The following ZNF354A variants were observed in gnomAD, a reference collection of about 807,000 sequenced individuals.
ZNF354A encodes the protein epididymis luminal protein 104.
Under a neutral mutation model 53.3 loss-of-function variants are expected in ZNF354A, and 25 were observed. The ratio of observed to expected loss-of-function variants is 0.47; its 90% CI spans 0.34 to 0.66. The LOEUF (loss-of-function observed/expected upper bound fraction) is 0.66. ZNF354A is among the 30% of genes least tolerant of loss of function. ZNF354A has a pLI of 0.01. For synonymous variants in ZNF354A, 228 were observed against 249.0 expected, an observed-to-expected ratio of 0.92 and a Z score of 0.79; for missense variants, 586 against 716.8, an observed-to-expected ratio of 0.82 and a Z score of 2.08.
In ZNF354A at chr5:178,712,808, T is replaced by C. The variant is rs780743576; in HGVS notation, c.1070A>G (p.Asn357Ser). 9.9e-6 allele frequency: 16 copies of C among 1,614,148 alleles called. No individual in the cohort carries two copies. Among genetic ancestry groups the C allele is most frequent in the Non-Finnish European group, 1.3e-5 (15 of 1,180,024 alleles). The change falls in exon 5 of 5, where the codon AAT (asparagine) becomes AGT (serine). Residue 357 changes from asparagine (N) to serine (S), a missense_variant. Asn to Ser is a conservative substitution (Grantham distance 46). Around this residue, in one of 2 missense-constraint regions of ZNF354A, gnomAD observed 573 missense variants for 680.1 expected, o/e 0.84. Coordinates refer to ENST00000335815, the MANE Select transcript of ZNF354A (RefSeq NM_005649.3). ...IHSRKKSYLC[N>S]ECGNTFKSSS... ...AGACTTAAAGGTGTTGCCACATTCATTACATAAGTAGGACTTCTTTCTAGA... is the reference window on the plus strand; with the variant it reads ...AGACTTAAAGGTGTTGCCACATTCACTACATAAGTAGGACTTCTTTCTAGA...
At chr5:178,722,994 G>A (rs1307797771) in intron 4 of ZNF354A, among the ~76,000 whole-genome samples, 1 of 152,202 alleles carries the variant, frequency 6.6e-6, no homozygotes, top group Admixed American at 6.5e-5. Flanking sequence ...GCCCTGAGTG[G>A]GGGCCTGCTT....
At position 178,711,781 on chromosome 5, in the gene ZNF354A, G is replaced by A; in HGVS notation, c.*279C>T. ...CACGTGACATCTAGCATATACGTCT[G>A]TAGGAAAAGGGAAAAAGCAAACCCA... On this transcript the variant is annotated 3_prime_UTR_variant, in exon 5 of 5. Coordinates refer to ENST00000335815, the MANE Select transcript of ZNF354A (RefSeq NM_005649.3). 3.3e-6 allele frequency: 1 copy of A among 298,966 alleles called. No individual in the cohort carries two copies. The allele number at this position is 298,966 out of a possible 1,614,324, so 18.5% of individuals were successfully genotyped here. A position where few individuals can be genotyped will look rare whatever the true frequency, so the allele number is the denominator to read the frequency against.
chr5:178,728,782 C>CAAAAAAAAAAAAAA lies in ZNF354A; in HGVS notation c.33+194_33+207dup, dbSNP rs1157233878. Among the ~76,000 whole-genome samples the CAAAAAAAAAAAAAA allele has an allele frequency of 8.5e-4, 43 of 50,858 alleles. No homozygotes were observed. In the East Asian group the frequency reaches 0.011, roughly 13 times the overall value. The allele number at this position is 50,858 out of a possible 152,430, so 33.4% of individuals were successfully genotyped here. ...ACTGCCTGGGCGACAAAGCGAGATT[C>CAAAAAAAAAAAAAA]AAAAAAAAAAAAAAAAAAGAGAACC... On this transcript the variant is annotated intron_variant, in intron 2 of 4. Transcript: ENST00000335815.
Position 178,712,114 on chromosome 5 carries a change from G to C in ZNF354A, c.1764C>G (p.Asn588Lys). The stretch of plus-strand genomic sequence containing the variant: ...AATGATTAGTAAGGGATGACCTATG[G>C]TTGAAAAGTTTCCCACATGTATTAC... ...YECNTCGKLF[N>K]HRSSLTNHYK... The change falls in exon 5 of 5, where the codon AAC (asparagine) becomes AAG (lysine). Residue 588 changes from asparagine to lysine, a missense_variant. Coordinates refer to ENST00000335815, the MANE Select transcript of ZNF354A (RefSeq NM_005649.3). 1 of 1,613,074 alleles carries C rather than the reference G, an allele frequency of 6.2e-7. No individual in the cohort carries two copies. The highest frequency in any genetic ancestry group is 8.5e-7 in the Non-Finnish European group (1 of 1,179,364).
At chr5:178,714,704 C>A (rs1456152094) in intron 4 of ZNF354A, among the ~76,000 whole-genome samples, 5 of 152,178 alleles carry the variant, frequency 3.3e-5, no homozygotes, top group African/African-American at 1.2e-4. Context: ...AATATTCTTA[C>A]GTATTTCATA....
intron 3 of ZNF354A, among the ~76,000 whole-genome samples, chr5:178,726,429 C>T (rs951847612): frequency 1.3e-5 from 2 of 151,694 alleles, no homozygotes; most frequent in Admixed American, 6.6e-5. Context: ...TTCAAAGTAG[C>T]GGGGACTACA....
intron 3 of ZNF354A, chr5:178,726,196 A>G (rs1765903930): frequency 2.2e-6 from 1 of 456,006 alleles, no homozygotes; most frequent in Non-Finnish European, 4.4e-6. Flanking sequence ...GTCATGGGCC[A>G]AATTCAGACC....
intron 2 of ZNF354A, among the ~76,000 whole-genome samples, chr5:178,728,007 T>C (rs1398161290): frequency 2.0e-5 from 3 of 152,184 alleles, no homozygotes; most frequent in Non-Finnish European, 4.4e-5. Context: ...CTAGACACCA[T>C]GCCCGGCTAA....
intron 3 of ZNF354A, chr5:178,725,942 G>A (rs1581749334): frequency 3.9e-6 from 1 of 259,206 alleles, no homozygotes; most frequent in African/African-American, 2.3e-5. Context: ...CCGTCTCCCG[G>A]GTTCAAGTGA....
intron 1 of ZNF354A, among the ~76,000 whole-genome samples, chr5:178,730,009 G>A (rs1418686021): frequency 6.6e-6 from 1 of 151,786 alleles, no homozygotes; most frequent in African/African-American, 2.4e-5. Context: ...GACTACAGGC[G>A]CCCGCCACTA....
At position 178,713,608 on chromosome 5, in the gene ZNF354A, AC is replaced by A; in HGVS notation, c.269del (p.Ser90IlefsTer18). 1 of 1,562,058 alleles carries A rather than the reference AC, an allele frequency of 6.4e-7. No individual in the cohort carries two copies. The highest frequency in any genetic ancestry group is 8.6e-7 in the Non-Finnish European group (1 of 1,163,708). ...TTTGCGTTGACTTTGTGGTTTTATG[AC>A]TGCTCTTCGATCCTGGAGGGAAAAA... ...SGVSSLGSKS[S>X]HKTTKSTQTQ... On this transcript the variant is annotated frameshift_variant, in exon 5 of 5. Coordinates refer to ENST00000335815, the MANE Select transcript of ZNF354A (RefSeq NM_005649.3). LOFTEE classifies it low-confidence loss of function (END_TRUNC).
intron 3 of ZNF354A, chr5:178,726,312 G>A (rs928721168): frequency 8.8e-5 from 34 of 387,108 alleles, no homozygotes; most frequent in Non-Finnish European, 6.7e-5. Flanking sequence ...TCTTTACTAC[G>A]TGGCTTTTTT....
rs775196494 is a variant in ZNF354A at position 178,712,088 on chromosome 5, T to C, written c.1790A>G (p.Tyr597Cys). 1 of 1,601,474 alleles carries C rather than the reference T, an allele frequency of 6.2e-7. No homozygotes were observed. The highest frequency in any genetic ancestry group is 8.5e-7 in the Non-Finnish European group (1 of 1,173,606). ...GGGGTCCTCTTCGATATGAATTTTA[T>C]AATGATTAGTAAGGGATGACCTATG... ...FNHRSSLTNH[Y>C]KIHIEEDP is the part of the protein sequence containing the mutation. Residue 597 changes from tyrosine to cysteine, a missense_variant, in exon 5 of 5, where the codon TAT becomes TGT. Tyr to Cys is a radical substitution (Grantham distance 194). Around this residue, in one of 2 missense-constraint regions of ZNF354A, gnomAD observed 573 missense variants for 680.1 expected, o/e 0.84. Coordinates refer to ENST00000335815, the MANE Select transcript of ZNF354A (RefSeq NM_005649.3).
intron 2 of ZNF354A, among the ~76,000 whole-genome samples, chr5:178,727,500 T>C (rs1000247933): frequency 3.3e-5 from 5 of 152,206 alleles, no homozygotes; most frequent in African/African-American, 1.2e-4. Flanking sequence ...CACAAACATA[T>C]TCATGGTGTT....
In ZNF354A at chr5:178,712,010, A is replaced by G; in HGVS notation, c.*50T>C. The G allele has an allele frequency of 6.6e-7, 1 of 1,520,280 alleles. No homozygotes were observed. The highest frequency in any genetic ancestry group is 8.8e-7 in the Non-Finnish European group (1 of 1,138,096). 94.2% of individuals were successfully genotyped at this position (1,520,280 alleles called of 1,614,324 possible). A position where few individuals can be genotyped will look rare whatever the true frequency, so the allele number is the denominator to read the frequency against. On this transcript the variant is annotated 3_prime_UTR_variant, in exon 5 of 5. Coordinates refer to ENST00000335815, the MANE Select transcript of ZNF354A (RefSeq NM_005649.3). ...TTTATTACATCTCTCTCAAGGATGT[A>G]TTCTTCGATGAGCTTTGGTTTAAGG...
At chr5:178,726,861 T>G (rs1254380976) in intron 3 of ZNF354A, 138 bp downstream of exon 3, 9 of 1,316,828 alleles carry the variant, frequency 6.8e-6, no homozygotes, top group Non-Finnish European at 9.2e-6. Flanking sequence ...TTTTAATGTT[T>G]ATTTATAAAG....
chr5:178,722,997 G>A (rs936328444), intron 4 of ZNF354A, among the ~76,000 whole-genome samples: 18 of 152,308 alleles, frequency 1.2e-4, no homozygotes, highest in African/African-American at 4.1e-4. Flanking sequence ...CTGAGTGGGG[G>A]CCTGCTTGGC....
At chr5:178,729,798 T>C (rs1218892229) in intron 1 of ZNF354A, among the ~76,000 whole-genome samples, 1 of 151,818 alleles carries the variant, frequency 6.6e-6, no homozygotes, top group Non-Finnish European at 1.5e-5. Flanking sequence ...CTGCCCGCCT[T>C]GGCATCCCAA....
rs758506196 is a variant in ZNF354A, at chr5:178,712,310, C to T, written c.1568G>A (p.Arg523Gln). Residue 523 changes from arginine to glutamine, a missense_variant, in exon 5 of 5, where the codon CGA (arginine) becomes CAA (glutamine). Around this residue, in one of 2 missense-constraint regions of ZNF354A, gnomAD observed 573 missense variants for 680.1 expected, o/e 0.84. Transcript: ENST00000335815. ...AAAAGATATCCCACATTCCTCACAT[C>T]GATATGGTTTCTCTCCAGTATGAAT... ...QRIHTGEKPY[R>Q]CEECGISFGQ... 12 of 1,613,908 alleles carry T rather than the reference C, an allele frequency of 7.4e-6. No homozygotes were observed. The highest frequency in any genetic ancestry group is 3.3e-5 in the South Asian group (3 of 91,080).
Sources: allele counts gnomAD v4.1 joint callset (sites outside exome capture counted in the v4.1 genomes callset), GRCh38; gene constraint gnomAD v4.1.1; regional missense constraint gnomAD v4.1.1; transcripts MANE v1.5; gene names NCBI Gene and HGNC (gene_info 2026-07-23, HGNC 2026-07-21).